Variants in STAU1 observed in about 807,000 individuals in gnomAD.
STAU1 encodes staufen double-stranded RNA binding protein 1.
In STAU1, 13 loss-of-function variants were observed where a neutral mutation model predicts 62.9. The ratio of observed to expected loss-of-function variants is 0.21; its 90% CI spans 0.13 to 0.33. STAU1 has a LOEUF of 0.33. STAU1 is among the 10% of genes least tolerant of loss of function. The pLI, the probability that STAU1 is intolerant of heterozygous loss-of-function variation, is 1.00. For missense variants in STAU1, 571 were observed against 712.1 expected, an observed-to-expected ratio of 0.80 and a Z score of 2.25; for synonymous variants, 269 against 265.1, an observed-to-expected ratio of 1.01 and a Z score of -0.14.
rs148359952 is a variant in STAU1, at chr20:49,157,683, T to C, written c.206-3612A>G. Among the ~76,000 whole-genome samples, 915 of 152,118 alleles carry C rather than the reference T, an allele frequency of 6.0e-3. 13 individuals are homozygous for C. Among genetic ancestry groups the C allele is most frequent in the African/African-American group, 0.021 (864 of 41,520 alleles). On this transcript the variant is annotated intron_variant, in intron 3 of 13. Transcript: ENST00000371856. ...TTAGTAGGGATGGGGTTTCACCATG[T>C]TGGCCAGGATGGTCTTGGTCTCTTG... is the stretch of plus-strand genomic sequence containing the variant.
chr20:49,168,392 T>C (rs888267936), intron 2 of STAU1, among the ~76,000 whole-genome samples: 1 of 152,192 alleles, frequency 6.6e-6, no homozygotes, highest in African/African-American at 2.4e-5. Flanking sequence ...AAGTCAGTCA[T>C]AAATATGTAA....
At chr20:49,132,766 A>G (rs1477636165) in intron 6 of STAU1, among the ~76,000 whole-genome samples, 1 of 152,088 alleles carries the variant, frequency 6.6e-6, no homozygotes, top group African/African-American at 2.4e-5. Context: ...TCTCCAAAAC[A>G]AAACAAAACA....
At chr20:49,195,903 A>AAAAAAAAAAAAAAAG in the STAU1 span, among the ~76,000 whole-genome samples, 2 of 94,394 alleles carry the variant, frequency 2.1e-5, no homozygotes, top group South Asian at 5.6e-4. Flanking sequence ...CCTCTCAAAA[A>AAAAAAAAAAAAAAAG]AAAAAAAAAA....
chr20:49,170,194 T>C (rs552479144), intron 2 of STAU1, among the ~76,000 whole-genome samples: 2 of 152,334 alleles, frequency 1.3e-5, no homozygotes, highest in South Asian at 2.1e-4. Flanking sequence ...TGATTTAATA[T>C]ACAAGAAGGC....
chr20:49,199,007 G>A, the STAU1 span, among the ~76,000 whole-genome samples: 43 of 150,590 alleles, frequency 2.9e-4, no homozygotes, highest in African/African-American at 8.3e-4. Flanking sequence ...TTAGCTGGGC[G>A]TGGTGGTGGG....
At chr20:49,199,562 T>C in the STAU1 span, among the ~76,000 whole-genome samples, 12 of 151,090 alleles carry the variant, frequency 7.9e-5, no homozygotes, top group South Asian at 2.5e-3. Flanking sequence ...TATTTTTATT[T>C]TATTTTTCTT....
rs930281922 is a variant in STAU1 at position 49,177,058 on chromosome 20, C to T, written c.-159-2789G>A. On this transcript the variant is annotated intron_variant, in intron 1 of 13. Transcript: ENST00000371856. ...TCCCGAGTAGCTGGGATTACAGGTG[C>T]ATGCCACCATGCCCGGCTAATTTTT... 5.3e-5 allele frequency among the ~76,000 whole-genome samples: 8 copies of T among 151,980 alleles called. No homozygotes were observed. In the South Asian group the frequency reaches 8.3e-4, roughly 16 times the overall value.
intron 1 of STAU1, among the ~76,000 whole-genome samples, chr20:49,180,320 T>TC (rs2093707500): frequency 2.5e-5 from 1 of 40,692 alleles, no homozygotes; most frequent in Admixed American, 1.7e-4. Flanking sequence ...ACTACAGTTC[T>TC]TTTTTTTTTT....
Position 49,114,604 on chromosome 20 carries a change from AGCTG to A in STAU1, c.*270_*273del. ...GATCTGCTGGTGTCCCGGGAGAACC[AGCTG>A]GCTGGGCAGCCCTTCTTCCCCACAG... On this transcript the variant is annotated 3_prime_UTR_variant, in exon 14 of 14. Transcript: ENST00000371856. 2 of 454,244 alleles carry A rather than the reference AGCTG, an allele frequency of 4.4e-6. No individual in the cohort carries two copies. The highest frequency in any genetic ancestry group is 4.0e-6 in the Non-Finnish European group (1 of 251,916). The allele number at this position is 454,244 out of a possible 1,614,324, so 28.1% of individuals were successfully genotyped here.
intron 6 of STAU1, among the ~76,000 whole-genome samples, chr20:49,130,635 G>C (rs776620564): frequency 6.6e-6 from 1 of 152,184 alleles, no homozygotes; most frequent in Non-Finnish European, 1.5e-5. Flanking sequence ...ATTACTATAA[G>C]AGGGGAGGAA....
chr20:49,149,251 AACACACACACACACACACACAC>A (rs34854738), intron 5 of STAU1, among the ~76,000 whole-genome samples: 1 of 131,940 alleles, frequency 7.6e-6, no homozygotes, highest in Admixed American at 7.8e-5. Context: ...ACTGTCTCAA[AACACACACACACACACACACAC>A]ACACACACAC....
At chr20:49,176,088 C>T (rs2093657499) in intron 1 of STAU1, among the ~76,000 whole-genome samples, 1 of 152,194 alleles carries the variant, frequency 6.6e-6, no homozygotes, top group Non-Finnish European at 1.5e-5. Context: ...GCCACCGCGC[C>T]CGGCAATAAT....
At chr20:49,209,817 G>C in the STAU1 span, among the ~76,000 whole-genome samples, 3 of 152,074 alleles carry the variant, frequency 2.0e-5, no homozygotes, top group Admixed American at 2.0e-4. Context: ...GTGAGGCCGA[G>C]GCAGGCGGAT....
At chr20:49,177,002 C>G (rs1415453195) in intron 1 of STAU1, among the ~76,000 whole-genome samples, 1 of 151,764 alleles carries the variant, frequency 6.6e-6, no homozygotes, top group African/African-American at 2.4e-5. Flanking sequence ...ACCTCCGCCT[C>G]CCGGGTTCAA....
At chr20:49,188,758 A>C (rs2077240944), upstream of STAU1, among the ~76,000 whole-genome samples, 1 of 152,030 alleles carries the variant, frequency 6.6e-6, no homozygotes, top group Non-Finnish European at 1.5e-5. Flanking sequence ...CCATCTGTAA[A>C]TGTTCATTAA....
chr20:49,165,433 G>A (rs2093510932), intron 3 of STAU1, among the ~76,000 whole-genome samples: 1 of 151,984 alleles, frequency 6.6e-6, no homozygotes, highest in South Asian at 2.1e-4. Flanking sequence ...CCACCTCCAG[G>A]GTTCAGGCAA....
chr20:49,123,160 C>G lies in STAU1; in HGVS notation c.898G>C (p.Glu300Gln), dbSNP rs1568826570. The change falls in exon 8 of 14, where the codon GAG becomes CAG. Residue 300 changes from glutamate to glutamine, a missense_variant. Physicochemically the swap from Glu to Gln is conservative, Grantham distance 29. Around this residue, in one of 3 missense-constraint regions of STAU1, gnomAD observed 414 missense variants for 499.6 expected, o/e 0.83. Coordinates refer to ENST00000371856, the MANE Select transcript of STAU1 (RefSeq NM_017453.4). ...AGGAGCGTGTACTCTGGCTCCTTCT[C>G]CTTTTTTGCCTGCTGGATCTGGGCC... Reference protein sequence around the residue: ...RLAQIQQAKKEKEPEYTLLTE... With the variant: ...RLAQIQQAKKQKEPEYTLLTE... The G allele has an allele frequency of 1.2e-6, 2 of 1,614,146 alleles. No individual in the cohort carries two copies. Among genetic ancestry groups the G allele is most frequent in the Admixed American group, 1.7e-5 (1 of 60,010 alleles).
At chr20:49,208,842 T>C in the STAU1 span, among the ~76,000 whole-genome samples, 4 of 150,682 alleles carry the variant, frequency 2.7e-5, no homozygotes, top group African/African-American at 9.8e-5. Flanking sequence ...CAGGATGGTC[T>C]CGATCTCCTG....
chr20:49,183,024 C>T (rs1302826361), intron 1 of STAU1, among the ~76,000 whole-genome samples: 1 of 152,068 alleles, frequency 6.6e-6, no homozygotes, highest in Admixed American at 6.6e-5. Flanking sequence ...TCTCATAGTT[C>T]AACTGATAAC....
Sources: allele counts gnomAD v4.1 joint callset (sites outside exome capture counted in the v4.1 genomes callset), GRCh38; gene constraint gnomAD v4.1.1; regional missense constraint gnomAD v4.1.1; transcripts MANE v1.5; gene names NCBI Gene and HGNC (gene_info 2026-07-23, HGNC 2026-07-21).